The following SEM1 variants were observed in gnomAD, a reference collection of about 807,000 sequenced individuals.
The protein encoded by SEM1 is 26S proteasome complex subunit SEM1.
SEM1 carries 3 observed loss-of-function variants against 12.7 expected under a neutral mutation model. The ratio of observed to expected loss-of-function variants is 0.24; its 90% CI spans 0.11 to 0.61. The LOEUF is 0.61. Among genes scored for constraint, SEM1 ranks in the 20% least tolerant of loss-of-function variants. The probability of loss-of-function intolerance (pLI) is 0.88; values close to 1 mark genes in which losing one functional copy is unlikely to be tolerated. For missense variants in SEM1, 59 were observed against 81.3 expected (o/e 0.73, Z 1.06); for synonymous variants, 30 against 27.8 (o/e 1.08, Z -0.25).
At chr7:96,701,796 A>C (rs1298705482) in intron 1 of SEM1, among the ~76,000 whole-genome samples, 1 of 152,152 alleles carries the variant, frequency 6.6e-6, no homozygotes, top group Non-Finnish European at 1.5e-5. Context: ...TAGCAAGCTT[A>C]TGAGGGAAAA....
intron 2 of SEM1, among the ~76,000 whole-genome samples, chr7:96,690,879 T>A (rs2115833449): frequency 6.6e-6 from 1 of 152,306 alleles, no homozygotes; most frequent in Admixed American, 6.5e-5. Context: ...TATGCCATTG[T>A]CCTGCCTCAG....
chr7:96,593,646 A>C (rs1029575171), intron 2 of SEM1, among the ~76,000 whole-genome samples: 6 of 152,202 alleles, frequency 3.9e-5, no homozygotes, highest in Admixed American at 6.5e-5. Flanking sequence ...TGCATACACA[A>C]ATTTAAATTT....
intron 1 of SEM1, among the ~76,000 whole-genome samples, chr7:96,699,244 T>C (rs1362125249): frequency 6.6e-6 from 1 of 152,158 alleles, no homozygotes; most frequent in African/African-American, 2.4e-5. Context: ...TCCCTTACTG[T>C]TGTGGCATCA....
intron 3 of SEM1, among the ~76,000 whole-genome samples, chr7:96,505,542 A>G (rs1803729228): frequency 6.6e-6 from 1 of 152,034 alleles, no homozygotes; most frequent in South Asian, 2.1e-4. Context: ...TCAAAGAGCT[A>G]TTTTCTTGCA....
At chr7:96,705,207 G>A (rs1275980674) in intron 1 of SEM1, among the ~76,000 whole-genome samples, 1 of 152,118 alleles carries the variant, frequency 6.6e-6, no homozygotes. Flanking sequence ...AAGGTGGGTA[G>A]TATTCTGCTC....
chr7:96,681,343 G>C (rs960859932), intron 2 of SEM1, among the ~76,000 whole-genome samples: 1 of 152,074 alleles, frequency 6.6e-6, no homozygotes, highest in Non-Finnish European at 1.5e-5. Context: ...AGAAAGAGTA[G>C]AAGTAGGGAG....
intron 2 of SEM1, among the ~76,000 whole-genome samples, chr7:96,652,217 T>C (rs1809019925): frequency 6.6e-6 from 1 of 152,196 alleles, no homozygotes; most frequent in Admixed American, 6.6e-5. Context: ...ATAATATTTA[T>C]TGCTTTATTT....
At chr7:96,706,091 G>C (rs1260461782) in intron 1 of SEM1, 3 of 152,100 alleles carry the variant, frequency 2.0e-5, no homozygotes, top group Non-Finnish European at 4.4e-5. Context: ...TCCTAAATAT[G>C]ATTTTTTACA....
intron 2 of SEM1, chr7:96,650,532 A>C (rs1241675894): frequency 1.3e-6 from 1 of 749,146 alleles, no homozygotes; most frequent in African/African-American, 1.7e-5. Flanking sequence ...TTAGCATGAA[A>C]GGAGAGAAAG....
chr7:96,531,576 G>C (rs4392833), intron 2 of SEM1, among the ~76,000 whole-genome samples: 149,412 of 149,728 alleles, frequency 1, 74,549 homozygotes, highest in East Asian at 1. Flanking sequence ...TCACTGCACT[G>C]CAGCCTGGGC....
chr7:96,643,752 C>G (rs1237194625), intron 2 of SEM1, among the ~76,000 whole-genome samples: 8 of 151,966 alleles, frequency 5.3e-5, no homozygotes, highest in African/African-American at 1.9e-4. Flanking sequence ...GGGAGTTGAA[C>G]AATGAGAACA....
At chr7:96,709,445 T>G (rs1479045206) in intron 1 of SEM1, among the ~76,000 whole-genome samples, 1 of 152,160 alleles carries the variant, frequency 6.6e-6, no homozygotes, top group Non-Finnish European at 1.5e-5. Flanking sequence ...GGGTCCAGAC[T>G]CACGGTGGCT....
chr7:96,609,517 G>C (rs536850634), intron 2 of SEM1, among the ~76,000 whole-genome samples: 73 of 152,348 alleles, frequency 4.8e-4, no homozygotes, highest in Non-Finnish European at 8.4e-4. Context: ...CTGAGGCCCA[G>C]AGAAGTTAGA....
At chr7:96,646,980 C>T (rs773413792) in intron 2 of SEM1, among the ~76,000 whole-genome samples, 16 of 152,062 alleles carry the variant, frequency 1.1e-4, no homozygotes, top group Non-Finnish European at 1.8e-4. Context: ...TAAATATATC[C>T]ACATATTAAG....
At chr7:96,674,351 G>A (rs910697351) in intron 2 of SEM1, among the ~76,000 whole-genome samples, 1 of 152,002 alleles carries the variant, frequency 6.6e-6, no homozygotes, top group Non-Finnish European at 1.5e-5. Flanking sequence ...ATGAACATCA[G>A]TCTGTCAAAA....
At chr7:96,650,646 A>G in intron 2 of SEM1, 1 of 635,528 alleles carries the variant, frequency 1.6e-6, no homozygotes, top group Non-Finnish European at 2.8e-6. Flanking sequence ...CAAGTTCCAA[A>G]TTTAAACACA....
chr7:96,585,669 A>G (rs904090980), intron 2 of SEM1, among the ~76,000 whole-genome samples: 3 of 152,126 alleles, frequency 2.0e-5, no homozygotes, highest in Non-Finnish European at 4.4e-5. Context: ...TAATCTCCTG[A>G]TGCGCTGTTT....
intron 2 of SEM1, among the ~76,000 whole-genome samples, chr7:96,615,444 A>G (rs1186824911): frequency 1.3e-5 from 2 of 151,974 alleles, no homozygotes; most frequent in East Asian, 1.9e-4. Flanking sequence ...TGGTAGAGAC[A>G]AGGTTTCGCC....
intron 2 of SEM1, among the ~76,000 whole-genome samples, chr7:96,557,140 C>A (rs1439272046): frequency 6.6e-6 from 1 of 150,928 alleles, no homozygotes; most frequent in Non-Finnish European, 1.5e-5. Context: ...GTTTGAACGT[C>A]CTCCCGTAGC....
Sources: allele counts gnomAD v4.1 joint callset (sites outside exome capture counted in the v4.1 genomes callset), GRCh38; gene constraint gnomAD v4.1.1; transcripts MANE v1.5; gene names NCBI Gene and HGNC (gene_info 2026-07-23, HGNC 2026-07-21).